TMEM71: variants seen among roughly 807,000 people sequenced by gnomAD.
TMEM71 encodes the protein transmembrane protein 71.
TMEM71 carries 44 observed loss-of-function variants against 38.0 expected under a neutral mutation model. The observed-to-expected ratio is 1.16, with a 90% CI of 0.91 to 1.49. TMEM71 has a LOEUF of 1.49. Ranked by LOEUF, TMEM71 falls within the 40% of genes most tolerant of loss-of-function variation. The pLI is 0.00. For synonymous variants in TMEM71, 133 were observed against 122.5 expected (o/e 1.09, Z -0.56); for missense variants, 367 against 348.6 (o/e 1.05, Z -0.42).
chr8:132,741,453 G>T (rs1828031622), intron 5 of TMEM71, among the ~76,000 whole-genome samples: 1 of 152,152 alleles, frequency 6.6e-6, no homozygotes, highest in Non-Finnish European at 1.5e-5. Context: ...GAGACCAGTA[G>T]TGGCCCCGAA....
chr8:132,726,213 C>G (rs1419724577), intron 6 of TMEM71, among the ~76,000 whole-genome samples: 2 of 151,836 alleles, frequency 1.3e-5, no homozygotes, highest in Non-Finnish European at 2.9e-5. Context: ...GTGTTGATAA[C>G]CTGTCATTTC....
chr8:132,758,774 G>A, intron 2 of TMEM71, 66 bp downstream of exon 2: 2 of 1,424,874 alleles, frequency 1.4e-6, no homozygotes, highest in Non-Finnish European at 2.0e-6. Flanking sequence ...ATCAAAGCAA[G>A]GAAATTGCTA....
intron 7 of TMEM71, among the ~76,000 whole-genome samples, chr8:132,718,591 G>A (rs1404746007): frequency 6.6e-6 from 1 of 151,924 alleles, no homozygotes; most frequent in Admixed American, 6.5e-5. Context: ...TAGAAACGGG[G>A]TTTCACCGTG....
the TMEM71 span, chr8:132,775,247 G>A: frequency 1.9e-5 from 6 of 315,516 alleles, no homozygotes; most frequent in African/African-American, 4.9e-5. Flanking sequence ...GTCCGTCAAC[G>A]ACCGCAAAGC....
chr8:132,728,023 T>A (rs1195095118), intron 5 of TMEM71, 37 bp from the exon 6 acceptor site: 9 of 1,226,438 alleles, frequency 7.3e-6, no homozygotes, highest in African/African-American at 1.7e-5. Context: ...AGTGTGTGTG[T>A]GTGTGTGTGT....
chr8:132,744,106 C>T (rs1287270899), intron 5 of TMEM71, among the ~76,000 whole-genome samples: 35 of 152,088 alleles, frequency 2.3e-4, no homozygotes, highest in Admixed American at 2.3e-3. Context: ...GTCCCTGCTC[C>T]AGTAAACCAT....
intron 4 of TMEM71, among the ~76,000 whole-genome samples, chr8:132,750,261 A>AT: frequency 6.6e-6 from 1 of 152,248 alleles, no homozygotes; most frequent in Middle Eastern, 3.4e-3. Context: ...GACCTTTTCT[A>AT]TTTTGGACAT....
intron 6 of TMEM71, among the ~76,000 whole-genome samples, chr8:132,724,785 T>C (rs1286870170): frequency 1.3e-5 from 2 of 152,170 alleles, no homozygotes; most frequent in Non-Finnish European, 2.9e-5. Context: ...CAACTTATGT[T>C]CCTCTGCCGC....
chr8:132,713,934 T>G, intron 9 of TMEM71, 61 bp downstream of exon 9: 1 of 1,533,410 alleles, frequency 6.5e-7, no homozygotes, highest in Non-Finnish European at 9.0e-7. Flanking sequence ...GAAACCATTC[T>G]CAGATATCAA....
At chr8:132,715,611 TG>T (rs1274095412) in intron 7 of TMEM71, among the ~76,000 whole-genome samples, 1 of 152,094 alleles carries the variant, frequency 6.6e-6, no homozygotes, top group Admixed American at 6.6e-5. Flanking sequence ...ATTCTGTGTC[TG>T]TACAAAAATC....
Position 132,710,767 on chromosome 8 carries a change from A to G in TMEM71, c.*200T>C. The G allele has an allele frequency of 1.7e-6, 1 of 596,532 alleles. No individual in the cohort carries two copies. The highest frequency in any genetic ancestry group is 3.0e-6 in the Non-Finnish European group (1 of 335,252). 37.0% of individuals were successfully genotyped at this position (596,532 alleles called of 1,614,324 possible). A position where few individuals can be genotyped will look rare whatever the true frequency, so the allele number is the denominator to read the frequency against. ...GTTTGCAAAGGGAAGGCAAATTAATATTATTTTCATGAGCATATTATAATT... is the reference window on the plus strand; with the variant it reads ...GTTTGCAAAGGGAAGGCAAATTAATGTTATTTTCATGAGCATATTATAATT... On this transcript the variant is annotated 3_prime_UTR_variant, in exon 10 of 10. Coordinates refer to ENST00000677595, the MANE Select transcript of TMEM71 (RefSeq NM_001382403.1).
chr8:132,766,247 T>C, the TMEM71 span, among the ~76,000 whole-genome samples: 1 of 152,048 alleles, frequency 6.6e-6, no homozygotes, highest in Non-Finnish European at 1.5e-5. Flanking sequence ...TTTTAAAGCT[T>C]TTCAGAGCTG....
At chr8:132,767,807 G>A in the TMEM71 span, among the ~76,000 whole-genome samples, 1 of 152,140 alleles carries the variant, frequency 6.6e-6, no homozygotes, top group Non-Finnish European at 1.5e-5. Context: ...AGCAGCTTGA[G>A]CTTATTGGAC....
intron 7 of TMEM71, among the ~76,000 whole-genome samples, chr8:132,716,315 C>G (rs1423894077): frequency 6.6e-6 from 1 of 152,178 alleles, no homozygotes; most frequent in Non-Finnish European, 1.5e-5. Context: ...GCTCACACGC[C>G]CCTCACCACT....
At chr8:132,757,459 C>G (rs111242269) in intron 2 of TMEM71, among the ~76,000 whole-genome samples, 165 bp from the exon 3 acceptor site, 98 of 152,188 alleles carry the variant, frequency 6.4e-4, no homozygotes, top group African/African-American at 2.3e-3. Flanking sequence ...AGTGCAGGTA[C>G]CCTTATCACC....
Position 132,728,007 on chromosome 8 carries a change from A to G in TMEM71, c.488-21T>C, listed in dbSNP as rs761327474. On this transcript the variant is annotated intron_variant, in intron 5 of 9. Transcript: ENST00000677595. ...ATCTGCTGAAAAAGCAGAGGGGTTC[A>G]GTGTGAGTGTGTGTGTGTGTGTGTG... 7 of 1,524,802 alleles carry G rather than the reference A, an allele frequency of 4.6e-6. No homozygotes were observed. In the African/African-American group the frequency reaches 9.4e-5, roughly 21 times the overall value. 94.5% of individuals were successfully genotyped at this position (1,524,802 alleles called of 1,614,324 possible). A position where few individuals can be genotyped will look rare whatever the true frequency, so the allele number is the denominator to read the frequency against.
chr8:132,724,567 T>C (rs1827031482), intron 6 of TMEM71, among the ~76,000 whole-genome samples: 1 of 152,200 alleles, frequency 6.6e-6, no homozygotes. Flanking sequence ...GTTATTCTGT[T>C]GGTTTTCAAG....
chr8:132,741,483 T>G (rs1828033480), intron 5 of TMEM71, among the ~76,000 whole-genome samples: 1 of 152,118 alleles, frequency 6.6e-6, no homozygotes, highest in Admixed American at 6.5e-5. Context: ...GTGCTGTTAT[T>G]TATTGGATAC....
chr8:132,768,409 G>T, the TMEM71 span, among the ~76,000 whole-genome samples: 1 of 152,140 alleles, frequency 6.6e-6, no homozygotes, highest in Non-Finnish European at 1.5e-5. Flanking sequence ...ACTTTGGGAG[G>T]CTGAGGCAGG....
Sources: gnomAD v4.1 joint callset for allele counts (sites outside exome capture counted in the v4.1 genomes callset) on GRCh38, gnomAD v4.1.1 for gene constraint, MANE v1.5 for transcripts, NCBI Gene and HGNC (gene_info 2026-07-23, HGNC 2026-07-21) for gene names.